The following FAM135A variants were observed in gnomAD, a reference collection of about 807,000 sequenced individuals.
FAM135A encodes the protein protein FAM135A.
In FAM135A, 79 loss-of-function variants were observed where a neutral mutation model predicts 146.8. That is an observed-to-expected ratio of 0.54 (90% CI 0.45 to 0.65). The LOEUF (loss-of-function observed/expected upper bound fraction) is 0.65. Among genes scored for constraint, FAM135A ranks in the 30% least tolerant of loss-of-function variants. The pLI is 0.00. For missense variants in FAM135A, 1,623 were observed against 1,758.2 expected (o/e 0.92, Z 1.38); for synonymous variants, 562 against 603.6 (o/e 0.93, Z 1.01).
intron 11 of FAM135A, among the ~76,000 whole-genome samples, chr6:70,499,400 A>T (rs534364675): frequency 6.6e-6 from 1 of 152,254 alleles, no homozygotes; most frequent in Admixed American, 6.5e-5. Context: ...GGGTCTCTTG[A>T]ATACAGCACA....
intron 10 of FAM135A, among the ~76,000 whole-genome samples, chr6:70,482,797 A>G (rs563994110): frequency 2.3e-4 from 35 of 152,244 alleles, no homozygotes; most frequent in African/African-American, 8.4e-4. Flanking sequence ...ATTTCACAGA[A>G]GATAAATTAT....
At chr6:70,522,430 G>A (rs1793802271) in intron 12 of FAM135A, 83 bp from the exon 13 acceptor site, 1 of 1,125,044 alleles carries the variant, frequency 8.9e-7, no homozygotes, top group African/African-American at 1.5e-5. Flanking sequence ...CGTAATGGAG[G>A]CAGTTTCTCT....
Position 70,435,248 on chromosome 6 carries a change from G to C in FAM135A, c.77+6829G>C, listed in dbSNP as rs769773401. Among the ~76,000 whole-genome samples, 96 of 151,622 alleles carry C rather than the reference G, an allele frequency of 6.3e-4. 1 individual carries two copies. Among genetic ancestry groups the C allele is most frequent in the Middle Eastern group, 3.4e-3 (1 of 294 alleles). Reference sequence around the variant, plus strand: ...GCCTCCTGAATAGCTGGGATTACAGGTGCCTGCCACCACGCCCAGCTAATT... The same window carrying C: ...GCCTCCTGAATAGCTGGGATTACAGCTGCCTGCCACCACGCCCAGCTAATT... On this transcript the variant is annotated intron_variant, in intron 4 of 21. Transcript: ENST00000418814.
intron 2 of FAM135A, among the ~76,000 whole-genome samples, chr6:70,424,590 G>A (rs143020938): frequency 1.6e-3 from 251 of 152,312 alleles, no homozygotes; most frequent in African/African-American, 5.8e-3. Flanking sequence ...CTGCAGAGCT[G>A]GATCCCTTTG....
intron 11 of FAM135A, among the ~76,000 whole-genome samples, chr6:70,494,906 A>G (rs1786883286): frequency 6.6e-6 from 1 of 152,196 alleles, no homozygotes; most frequent in African/African-American, 2.4e-5. Flanking sequence ...TAAAGTGTTC[A>G]TATCTTATAC....
chr6:70,418,504 A>T (rs890569523), intron 2 of FAM135A: 13 of 152,044 alleles, frequency 8.6e-5, no homozygotes, highest in African/African-American at 3.1e-4. Context: ...TAATTTTCTT[A>T]CTTTTAGTAG....
intron 4 of FAM135A, among the ~76,000 whole-genome samples, chr6:70,429,374 G>A (rs773433346): frequency 2.0e-5 from 3 of 151,926 alleles, no homozygotes; most frequent in African/African-American, 7.3e-5. Flanking sequence ...TTAGCCGGGC[G>A]TGGTGGTGCA....
At chr6:70,487,346 A>G (rs930491030) in intron 10 of FAM135A, among the ~76,000 whole-genome samples, 1 of 152,080 alleles carries the variant, frequency 6.6e-6, no homozygotes, top group Non-Finnish European at 1.5e-5. Context: ...AATAGCCATA[A>G]TTTATTATCT....
intron 4 of FAM135A, among the ~76,000 whole-genome samples, chr6:70,445,361 G>T (rs545593743): frequency 4.0e-5 from 6 of 151,776 alleles, no homozygotes; most frequent in Admixed American, 6.6e-5. Context: ...GGTTTCTGCC[G>T]TCTTGGTCAG....
At chr6:70,494,634 T>C (rs1225790019) in intron 11 of FAM135A, among the ~76,000 whole-genome samples, 1 of 152,096 alleles carries the variant, frequency 6.6e-6, no homozygotes. Flanking sequence ...ATTTTGGTAT[T>C]TATTACATGA....
intron 5 of FAM135A, among the ~76,000 whole-genome samples, chr6:70,468,497 G>GA (rs2128128403): frequency 6.6e-6 from 1 of 152,286 alleles, no homozygotes; most frequent in Non-Finnish European, 1.5e-5. Context: ...ACTCCCATGG[G>GA]ACTTGGAAGA....
At chr6:70,489,674 C>T (rs117478038) in intron 10 of FAM135A, among the ~76,000 whole-genome samples, 2,016 of 152,248 alleles carry the variant, frequency 0.013, 11 homozygotes, top group Middle Eastern at 0.02. Context: ...CATGATTATT[C>T]ATGAAAGGGC....
intron 12 of FAM135A, among the ~76,000 whole-genome samples, chr6:70,505,127 A>G (rs186411604): frequency 9.1e-4 from 138 of 152,130 alleles, no homozygotes; most frequent in African/African-American, 3.1e-3. Flanking sequence ...GTTTTTCCTG[A>G]ACAATATGAT....
chr6:70,471,603 A>C, intron 5 of FAM135A, among the ~76,000 whole-genome samples: 1 of 151,866 alleles, frequency 6.6e-6, no homozygotes, highest in Non-Finnish European at 1.5e-5. Context: ...ATCAGGAAGA[A>C]TACCTAGTGG....
chr6:70,417,713 C>G, intron 2 of FAM135A: 3 of 694,182 alleles, frequency 4.3e-6, no homozygotes, highest in Non-Finnish European at 5.3e-6. Context: ...GCCAGCAAGT[C>G]AAGGGCTTAC....
At chr6:70,436,699 A>G (rs1773247713) in intron 4 of FAM135A, among the ~76,000 whole-genome samples, 1 of 152,210 alleles carries the variant, frequency 6.6e-6, no homozygotes, top group South Asian at 2.1e-4. Flanking sequence ...TTTTGTTTTC[A>G]GTTTCACCAT....
intron 5 of FAM135A, among the ~76,000 whole-genome samples, chr6:70,459,410 A>G (rs1307149207): frequency 6.6e-6 from 1 of 152,208 alleles, no homozygotes; most frequent in Non-Finnish European, 1.5e-5. Context: ...TTATGCTGAC[A>G]GTGAGAGGTT....
chr6:70,525,435 A>G lies in FAM135A; in HGVS notation c.2351A>G (p.Asn784Ser), dbSNP rs746433349. The G allele has an allele frequency of 1.9e-5, 31 of 1,613,516 alleles. No homozygotes were observed. The highest frequency in any genetic ancestry group is 2.3e-5 in the Non-Finnish European group (27 of 1,179,690). The change falls in exon 15 of 22, where the codon AAC (asparagine) becomes AGC (serine). Residue 784 changes from asparagine (N) to serine (S), a missense_variant. By Grantham distance (46) the Asn-to-Ser change is conservative. Coordinates refer to ENST00000418814, the MANE Select transcript of FAM135A (RefSeq NM_001162529.3). ...SEPSSFATHP[N>S]TDLVFETVQG... ...CCGAGTTCTTTTGCGACACATCCAA[A>G]CACTGATTTAGTCTTTGAAACTGTG...
chr6:70,526,752 CACACACACACACAT>C (rs1165922018), intron 15 of FAM135A, 54 bp downstream of exon 15: 168 of 580,258 alleles, frequency 2.9e-4, no homozygotes, highest in African/African-American at 1.9e-3. Flanking sequence ...TATATATATA[CACACACACACACAT>C]ACACACACAC....
Sources: gnomAD v4.1 joint callset for allele counts (sites outside exome capture counted in the v4.1 genomes callset) on GRCh38, gnomAD v4.1.1 for gene constraint, MANE v1.5 for transcripts, NCBI Gene and HGNC (gene_info 2026-07-23, HGNC 2026-07-21) for gene names.